SYNRG: variants seen among roughly 807,000 people sequenced by gnomAD.
The protein encoded by SYNRG is synergin gamma.
SYNRG carries 37 observed loss-of-function variants against 130.9 expected under a neutral mutation model. The observed-to-expected ratio is 0.28, with a 90% CI of 0.22 to 0.37. SYNRG has a LOEUF of 0.37. Ranked by LOEUF, SYNRG falls within the 10% of genes least tolerant of loss-of-function variation. The pLI is 1.00. For synonymous variants in SYNRG, 539 were observed against 568.1 expected (o/e 0.95, Z 0.73); for missense variants, 1,338 against 1,588.9 (o/e 0.84, Z 2.68).
chr17:37,533,861 G>T (rs1440853412), intron 19 of SYNRG, among the ~76,000 whole-genome samples: 7 of 146,746 alleles, frequency 4.8e-5, no homozygotes, highest in Middle Eastern at 7.2e-3. Context: ...ACAGGCATCA[G>T]CCACTAAGGC....
chr17:37,540,868 C>G, intron 15 of SYNRG: 1 of 1,000,228 alleles, frequency 1.0e-6, no homozygotes, highest in Non-Finnish European at 1.2e-6. Flanking sequence ...CTCCTGATCT[C>G]AAGTTATCTG....
In SYNRG at chr17:37,609,412, T is replaced by C. The variant is rs944683882; in HGVS notation, c.-57A>G. On this transcript the variant is annotated 5_prime_UTR_variant, in exon 1 of 22. Coordinates refer to ENST00000612223, the MANE Select transcript of SYNRG (RefSeq NM_007247.6). ...CGCCACCTTATCAGCAGCTGTCAGC[T>C]GAACACAGCCACTTCCGGGTCAAAC... The C allele has an allele frequency of 2.2e-6, 3 of 1,358,296 alleles. No individual in the cohort carries two copies. Among genetic ancestry groups the C allele is most frequent in the Middle Eastern group, 1.9e-4 (1 of 5,238 alleles). The allele number at this position is 1,358,296 out of a possible 1,614,324, so 84.1% of individuals were successfully genotyped here.
chr17:37,596,442 AGTGT>A, intron 2 of SYNRG, 98 bp from the exon 3 acceptor site: 1 of 1,384,732 alleles, frequency 7.2e-7, no homozygotes, highest in Admixed American at 2.1e-5. Flanking sequence ...CAGGAAGCAG[AGTGT>A]AATGGAAAAA....
At chr17:37,563,132 T>G (rs1436576767) in intron 11 of SYNRG, among the ~76,000 whole-genome samples, 1 of 152,194 alleles carries the variant, frequency 6.6e-6, no homozygotes, top group East Asian at 1.9e-4. Flanking sequence ...TTCCAGTTCT[T>G]TCTCTGAAGT....
At chr17:37,557,426 G>T (rs2059199839) in intron 13 of SYNRG, among the ~76,000 whole-genome samples, 1 of 152,076 alleles carries the variant, frequency 6.6e-6, no homozygotes, top group African/African-American at 2.4e-5. Context: ...TGTATTTTTT[G>T]AGTATAAAAA....
intron 16 of SYNRG, 27 bp downstream of exon 16, chr17:37,540,353 A>G (rs1568315786): frequency 4.3e-6 from 7 of 1,609,730 alleles, no homozygotes; most frequent in Non-Finnish European, 5.1e-6. Flanking sequence ...TCTGTTACCC[A>G]CCCCTTGTAG....
intron 19 of SYNRG, among the ~76,000 whole-genome samples, chr17:37,524,707 C>T (rs2055609490): frequency 6.6e-6 from 1 of 152,270 alleles, no homozygotes; most frequent in South Asian, 2.1e-4. Context: ...ACTTGCCCTA[C>T]ACCTCTCTCC....
chr17:37,575,014 G>A (rs1163118610), intron 8 of SYNRG, among the ~76,000 whole-genome samples: 1 of 152,136 alleles, frequency 6.6e-6, no homozygotes, highest in East Asian at 1.9e-4. Flanking sequence ...GGTTGGAACT[G>A]GAGGACACTA....
intron 1 of SYNRG, among the ~76,000 whole-genome samples, chr17:37,601,833 T>C (rs890464680): frequency 6.6e-6 from 1 of 151,878 alleles, no homozygotes; most frequent in Non-Finnish European, 1.5e-5. Context: ...CCTGGCTAAT[T>C]ATTGTATTTT....
chr17:37,559,079 G>T (rs1048939164), intron 13 of SYNRG, among the ~76,000 whole-genome samples: 2 of 152,194 alleles, frequency 1.3e-5, no homozygotes, highest in African/African-American at 2.4e-5. Context: ...TCCTAGCTAA[G>T]AAGGTATATT....
intron 3 of SYNRG, among the ~76,000 whole-genome samples, chr17:37,591,483 A>G (rs959636706): frequency 1.3e-5 from 2 of 152,228 alleles, no homozygotes; most frequent in African/African-American, 2.4e-5. Context: ...CAAAATTAAT[A>G]TGGAAAGACA....
chr17:37,597,044 A>G (rs1019376088), intron 2 of SYNRG, among the ~76,000 whole-genome samples: 1 of 152,212 alleles, frequency 6.6e-6, no homozygotes, highest in Non-Finnish European at 1.5e-5. Flanking sequence ...GCCTGGCCTG[A>G]AGGCTAGTTC....
chr17:37,603,154 G>T (rs548323100), intron 1 of SYNRG, among the ~76,000 whole-genome samples: 3 of 152,280 alleles, frequency 2.0e-5, no homozygotes, highest in South Asian at 2.1e-4. Context: ...AGTGAGAAAG[G>T]CTCTTAATCC....
Position 37,516,741 on chromosome 17 carries a change from C to T in SYNRG, c.*2199G>A, listed in dbSNP as rs2054454987. The T allele has an allele frequency of 6.6e-6, 1 of 151,200 alleles. No individual in the cohort carries two copies. The highest frequency in any genetic ancestry group is 2.4e-5 in the African/African-American group (1 of 41,090). The allele number at this position is 151,200 out of a possible 1,614,324, so 9.4% of individuals were successfully genotyped here. On this transcript the variant is annotated 3_prime_UTR_variant, in exon 22 of 22. Transcript: ENST00000612223. ...TCACGTGCAGCCTCAAACTCCTGGA[C>T]TTGTGATCTCCCGCCTCAGCTTACC...
chr17:37,531,567 C>T (rs752751528), intron 19 of SYNRG, among the ~76,000 whole-genome samples: 5 of 152,076 alleles, frequency 3.3e-5, no homozygotes, highest in Non-Finnish European at 5.9e-5. Flanking sequence ...CTTGAGCCCA[C>T]GGAGTTTGAG....
chr17:37,605,715 G>T, intron 1 of SYNRG: 1 of 670,766 alleles, frequency 1.5e-6, no homozygotes, highest in Non-Finnish European at 1.8e-6. Flanking sequence ...GTAAAAGCTT[G>T]GCAAAAAACT....
intron 7 of SYNRG, 107 bp downstream of exon 7, chr17:37,577,273 G>T (rs986955685): frequency 3.8e-6 from 4 of 1,063,648 alleles, no homozygotes; most frequent in East Asian, 2.4e-5. Flanking sequence ...GCAAAATTTC[G>T]ATTAGCAAAA....
At chr17:37,579,846 G>T (rs919378756) in intron 6 of SYNRG, among the ~76,000 whole-genome samples, 40 of 151,852 alleles carry the variant, frequency 2.6e-4, no homozygotes, top group South Asian at 6.2e-4. Flanking sequence ...GAGTAGCTAG[G>T]AATATAGGCA....
chr17:37,528,453 A>G (rs2056220134), intron 19 of SYNRG, among the ~76,000 whole-genome samples: 1 of 152,232 alleles, frequency 6.6e-6, no homozygotes. Flanking sequence ...AATGGTAACC[A>G]GTAGTAGTAG....
Sources: gnomAD v4.1 joint callset for allele counts (sites outside exome capture counted in the v4.1 genomes callset) on GRCh38, gnomAD v4.1.1 for gene constraint, MANE v1.5 for transcripts, NCBI Gene and HGNC (gene_info 2026-07-23, HGNC 2026-07-21) for gene names.